The following TRPC4AP variants were observed in gnomAD, a reference collection of about 807,000 sequenced individuals.
TRPC4AP encodes the protein transient receptor potential cation channel subfamily C member 4 associated protein, also known as short transient receptor potential channel 4-associated protein.
Under a neutral mutation model 99.0 loss-of-function variants are expected in TRPC4AP, and 45 were observed. The ratio of observed to expected loss-of-function variants is 0.45; its 90% confidence interval spans 0.36 to 0.58. TRPC4AP has a LOEUF of 0.58. TRPC4AP is among the 20% of genes least tolerant of loss of function. The pLI is 0.00. For synonymous variants in TRPC4AP, 408 were observed against 385.8 expected (o/e 1.06, Z -0.67); for missense variants, 879 against 985.3 (o/e 0.89, Z 1.44).
chr20:35,057,453 G>T, intron 4 of TRPC4AP, 61 bp downstream of exon 4: 1 of 1,369,436 alleles, frequency 7.3e-7, no homozygotes, highest in Non-Finnish European at 1.0e-6. Flanking sequence ...GCAGCTGCTG[G>T]GAACTGCCAC....
chr20:35,059,684 AAGG>A (rs2083930163), intron 3 of TRPC4AP, among the ~76,000 whole-genome samples: 2 of 142,584 alleles, frequency 1.4e-5, no homozygotes, highest in Admixed American at 1.5e-4. Context: ...GAAGAAGAAG[AAGG>A]AAGAAGAAGA....
At chr20:35,084,703 T>C (rs1005757989) in intron 1 of TRPC4AP, among the ~76,000 whole-genome samples, 4 of 138,386 alleles carry the variant, frequency 2.9e-5, no homozygotes, top group Non-Finnish European at 6.2e-5. Flanking sequence ...TATGTGTATA[T>C]GTATATATGT....
At position 35,080,779 on chromosome 20, in the gene TRPC4AP, A is replaced by G. The variant is rs370412346; in HGVS notation, c.169-2605T>C. ...AGATGCATAACTTTGTGCATACAGT[A>G]AAAACCACTGACTTGTACACTTCAG... On this transcript the variant is annotated intron_variant, in intron 1 of 18. Coordinates refer to ENST00000252015, the MANE Select transcript of TRPC4AP (RefSeq NM_015638.3). Among the ~76,000 whole-genome samples the G allele has an allele frequency of 3.6e-3, 529 of 146,520 alleles. 11 individuals carry two copies. The highest frequency in any genetic ancestry group is 0.013 in the African/African-American group (495 of 39,302).
chr20:35,024,565 T>C (rs1431863354), intron 8 of TRPC4AP, among the ~76,000 whole-genome samples: 1 of 152,180 alleles, frequency 6.6e-6, no homozygotes, highest in East Asian at 1.9e-4. Context: ...GGCTCAGGCC[T>C]GTAATTCCGG....
chr20:35,081,985 A>AAAAAC (rs1569152426), intron 1 of TRPC4AP, among the ~76,000 whole-genome samples: 1 of 152,108 alleles, frequency 6.6e-6, no homozygotes, highest in Admixed American at 6.6e-5. Flanking sequence ...ACTCTGTCTC[A>AAAAAC]AAAACAAAAC....
chr20:35,048,614 T>C (rs1251352482), intron 6 of TRPC4AP, among the ~76,000 whole-genome samples: 1 of 152,214 alleles, frequency 6.6e-6, no homozygotes, highest in East Asian at 1.9e-4. Context: ...TCCACTTTCT[T>C]TATGGTATCT....
intron 8 of TRPC4AP, among the ~76,000 whole-genome samples, chr20:35,023,526 G>T (rs778210215): frequency 1.3e-5 from 2 of 152,120 alleles, no homozygotes; most frequent in African/African-American, 4.8e-5. Flanking sequence ...ATTTACTGGA[G>T]AAATTTTTAA....
At position 35,005,777 on chromosome 20, in the gene TRPC4AP, G is replaced by A. The variant is rs1460928649; in HGVS notation, c.1854C>T (p.Asn618=). 1 of 1,614,210 alleles carries A rather than the reference G, an allele frequency of 6.2e-7. No homozygotes were observed. The highest frequency in any genetic ancestry group is 8.5e-7 in the Non-Finnish European group (1 of 1,180,006). The change falls in exon 16 of 19, where the codon AAC becomes AAT. Residue 618 remains asparagine (N), a synonymous_variant. Coordinates refer to ENST00000252015, the MANE Select transcript of TRPC4AP (RefSeq NM_015638.3). The stretch of plus-strand genomic sequence containing the variant: ...GCATGTTGGAGTCCACCAGGGAGCT[G>A]TTGATCTGCTTCAGGAATACCTGGA... ...AKFQVFLKQI[N]SSLVDSNMLV...
rs566513622 is a variant in TRPC4AP, at chr20:35,017,797, G to A, written c.1219-1658C>T. On this transcript the variant is annotated intron_variant, in intron 9 of 18. Transcript: ENST00000252015. ...TATTAGGTTGTGTAAAAGTAATTGCGATTTTTGCCACTGAAAGTAATAGAG... is the reference window on the plus strand; with the variant it reads ...TATTAGGTTGTGTAAAAGTAATTGCAATTTTTGCCACTGAAAGTAATAGAG... Among the ~76,000 whole-genome samples, 7 of 152,318 alleles carry A rather than the reference G, an allele frequency of 4.6e-5. No individual in the cohort carries two copies. In the East Asian group the frequency reaches 7.7e-4, roughly 17 times the overall value.
intron 3 of TRPC4AP, among the ~76,000 whole-genome samples, chr20:35,066,781 C>T (rs11167254): frequency 0.14 from 21,120 of 152,010 alleles, 1,844 homozygotes; most frequent in African/African-American, 0.25. Flanking sequence ...TTTAAAATAA[C>T]ATCAAAATTT....
chr20:35,002,544 T>G lies in TRPC4AP; in HGVS notation c.*602A>C. 8.8e-6 allele frequency: 2 copies of G among 226,084 alleles called. No homozygotes were observed. Among genetic ancestry groups the G allele is most frequent in the Non-Finnish European group, 1.7e-5 (2 of 116,662 alleles). 14.0% of individuals were successfully genotyped at this position (226,084 alleles called of 1,614,324 possible). On this transcript the variant is annotated 3_prime_UTR_variant, in exon 19 of 19. Coordinates refer to ENST00000252015, the MANE Select transcript of TRPC4AP (RefSeq NM_015638.3). ...CAGGCAGAGGCAGGGCAGGCACAGC[T>G]GCCCCGTGCCCCAAGGGATGGAGGG...
chr20:35,058,448 A>C (rs1569130437), intron 3 of TRPC4AP, among the ~76,000 whole-genome samples: 1 of 152,194 alleles, frequency 6.6e-6, no homozygotes, highest in Non-Finnish European at 1.5e-5. Flanking sequence ...CTTAAATCAC[A>C]TACAGTATGT....
At chr20:35,082,210 T>C (rs1024465013) in intron 1 of TRPC4AP, among the ~76,000 whole-genome samples, 2 of 152,082 alleles carry the variant, frequency 1.3e-5, no homozygotes, top group Non-Finnish European at 2.9e-5. Context: ...CAAAAACTGA[T>C]ATATGCAGAC....
At chr20:35,054,896 T>C in intron 5 of TRPC4AP, 80 bp downstream of exon 5, 3 of 1,259,500 alleles carry the variant, frequency 2.4e-6, no homozygotes, top group East Asian at 2.4e-5. Context: ...ATGTCTGCCA[T>C]TCTACTCGAA....
chr20:35,003,068 G>A lies in TRPC4AP; in HGVS notation c.*78C>T. The A allele has an allele frequency of 1.3e-6, 2 of 1,573,718 alleles. No individual in the cohort carries two copies. Among genetic ancestry groups the A allele is most frequent in the Non-Finnish European group, 1.7e-6 (2 of 1,157,246 alleles). On this transcript the variant is annotated 3_prime_UTR_variant, in exon 19 of 19. Coordinates refer to ENST00000252015, the MANE Select transcript of TRPC4AP (RefSeq NM_015638.3). ...AGGCAGAGAGCAGCAGGGAGGAACG[G>A]GAACAGGGCAGGGCGTGTGGCATCG...
At chr20:35,024,115 G>A (rs1050088955) in intron 8 of TRPC4AP, among the ~76,000 whole-genome samples, 4 of 143,990 alleles carry the variant, frequency 2.8e-5, no homozygotes, top group Admixed American at 7.6e-5. Context: ...TGTTTTCTGC[G>A]GACATGCACA....
At chr20:35,058,372 A>C (rs555801210) in intron 3 of TRPC4AP, among the ~76,000 whole-genome samples, 1 of 152,252 alleles carries the variant, frequency 6.6e-6, no homozygotes, top group Non-Finnish European at 1.5e-5. Context: ...TCAAGTGCAC[A>C]TGAAACATTC....
Position 35,070,228 on chromosome 20 carries a change from TC to T in TRPC4AP, c.298-817del, listed in dbSNP as rs144078848. Among the ~76,000 whole-genome samples, 904 of 152,214 alleles carry T rather than the reference TC, an allele frequency of 5.9e-3. 6 individuals are homozygous for T. The highest frequency in any genetic ancestry group is 0.014 in the East Asian group (72 of 5,170). Reference sequence around the variant, plus strand: ...TGACAGATAAATGATTCTTGTTACTTCCGGCTGCTAGGTTTCGGGGTGACTA... The same window carrying T: ...TGACAGATAAATGATTCTTGTTACTTCGGCTGCTAGGTTTCGGGGTGACTA... On this transcript the variant is annotated intron_variant, in intron 2 of 18. Transcript: ENST00000252015.
chr20:35,008,600 C>T (rs538058741), intron 13 of TRPC4AP, 64 bp downstream of exon 13: 2 of 1,456,560 alleles, frequency 1.4e-6, no homozygotes, highest in South Asian at 1.2e-5. Context: ...GTATTCCTAA[C>T]CTCCTGAGAA....
Sources: gnomAD v4.1 joint callset for allele counts (sites outside exome capture counted in the v4.1 genomes callset) on GRCh38, gnomAD v4.1.1 for gene constraint, MANE v1.5 for transcripts, NCBI Gene and HGNC (gene_info 2026-07-23, HGNC 2026-07-21) for gene names.